Variants in TESC observed in about 807,000 individuals in gnomAD.
The protein encoded by TESC is calcineurin B homologous protein 3.
In TESC, 19 loss-of-function variants were observed where a neutral mutation model predicts 31.0. The observed-to-expected ratio is 0.61, with a 90% CI of 0.43 to 0.90. TESC has a LOEUF of 0.90. Among genes scored for constraint, TESC ranks in the 40% least tolerant of loss-of-function variants. The pLI, the probability that TESC is intolerant of heterozygous loss-of-function variation, is 0.00. For synonymous variants in TESC, 109 were observed against 114.8 expected, an observed-to-expected ratio of 0.95 and a Z score of 0.32; for missense variants, 248 against 303.8, an observed-to-expected ratio of 0.82 and a Z score of 1.36.
chr12:117,042,030 G>T, intron 6 of TESC, 36 bp from the exon 7 acceptor site: 1 of 1,575,950 alleles, frequency 6.3e-7, no homozygotes, highest in Non-Finnish European at 8.6e-7. Context: ...AGTGAGTGGC[G>T]CAGGTCCCCA....
chr12:117,074,011 G>A (rs1363091927), intron 2 of TESC, among the ~76,000 whole-genome samples: 2 of 152,102 alleles, frequency 1.3e-5, no homozygotes, highest in African/African-American at 4.8e-5. Flanking sequence ...ACTGCTTGAG[G>A]CCAGGAGTTT....
At chr12:117,098,817 G>A (rs1004223630) in intron 1 of TESC, among the ~76,000 whole-genome samples, 4 of 152,172 alleles carry the variant, frequency 2.6e-5, no homozygotes, top group East Asian at 1.9e-4. Context: ...CAGGTCCGCC[G>A]ACTTCAAAAC....
chr12:117,090,698 G>A lies in TESC; in HGVS notation c.58+8527C>T, dbSNP rs140358872. Among the ~76,000 whole-genome samples the A allele has an allele frequency of 1.2e-3, 179 of 152,314 alleles. 2 individuals carry two copies. The highest frequency in any genetic ancestry group is 5.3e-3 in the Admixed American group (81 of 15,306). ...ACAGGTGGTGAGAAGCCACCTGTGT[G>A]CCATAGTGGGACTCTGGCTGAGGTC... On this transcript the variant is annotated intron_variant, in intron 1 of 7. Coordinates refer to ENST00000335209, the MANE Select transcript of TESC (RefSeq NM_017899.4).
intron 1 of TESC, among the ~76,000 whole-genome samples, chr12:117,085,574 G>A (rs929341693): frequency 8.5e-5 from 13 of 152,284 alleles, no homozygotes; most frequent in African/African-American, 2.9e-4. Context: ...AGGACACCAA[G>A]GGGCATCACT....
At chr12:117,085,507 C>T (rs920679461) in intron 1 of TESC, among the ~76,000 whole-genome samples, 4 of 152,182 alleles carry the variant, frequency 2.6e-5, no homozygotes, top group African/African-American at 4.8e-5. Flanking sequence ...AGGGACTCCC[C>T]AAGCCACCCT....
At chr12:117,046,906 A>C in intron 4 of TESC, 68 bp from the exon 5 acceptor site, 1 of 1,492,330 alleles carries the variant, frequency 6.7e-7, no homozygotes, top group Non-Finnish European at 9.1e-7. Context: ...CCTGAAATGT[A>C]CACTAAACTA....
At chr12:117,039,359 A>C (rs993491699) in intron 7 of TESC, 149 bp from the exon 8 acceptor site, 5 of 738,832 alleles carry the variant, frequency 6.8e-6, no homozygotes, top group Non-Finnish European at 1.1e-5. Flanking sequence ...CTGTGTTTCA[A>C]GACTATGAGC....
intron 1 of TESC, among the ~76,000 whole-genome samples, chr12:117,090,890 CTGGCCTCTGCAGCCCACCTT>C (rs1377350492): frequency 3.3e-5 from 5 of 152,210 alleles, no homozygotes; most frequent in Non-Finnish European, 7.3e-5. Flanking sequence ...CTGGGGCAAG[CTGGCCTCTGCAGCCCACCTT>C]TGGCCTCTAC....
rs185918643 is a variant in TESC, at chr12:117,039,662, C to T, written c.568-452G>A. On this transcript the variant is annotated intron_variant, in intron 7 of 7. Transcript: ENST00000335209. ...GTTTTGTAAACTGTTAGGGGCTGTG[C>T]GGTCACAAGGCTTCGCTAGGCCATC... Among the ~76,000 whole-genome samples, 88 of 152,314 alleles carry T rather than the reference C, an allele frequency of 5.8e-4. No individual in the cohort carries two copies. In the East Asian group the frequency reaches 8.5e-3, roughly 15 times the overall value.
chr12:117,094,885 G>A (rs956103722), intron 1 of TESC, among the ~76,000 whole-genome samples: 4 of 151,264 alleles, frequency 2.6e-5, no homozygotes, highest in Non-Finnish European at 4.4e-5. Flanking sequence ...GCATGGTGGC[G>A]GGCACCTGTA....
At chr12:117,057,769 G>T (rs1954745885) in intron 2 of TESC, among the ~76,000 whole-genome samples, 1 of 151,920 alleles carries the variant, frequency 6.6e-6, no homozygotes, top group South Asian at 2.1e-4. Flanking sequence ...GAGTTTTTTT[G>T]TTTGTTTGTT....
At chr12:117,080,756 C>A (rs1033493494) in intron 1 of TESC, among the ~76,000 whole-genome samples, 1 of 152,186 alleles carries the variant, frequency 6.6e-6, no homozygotes, top group Non-Finnish European at 1.5e-5. Flanking sequence ...TGCGCCCCCC[C>A]AACCCCTTCC....
At chr12:117,045,703 C>G (rs1319929563) in intron 6 of TESC, among the ~76,000 whole-genome samples, 6 of 152,256 alleles carry the variant, frequency 3.9e-5, no homozygotes, top group Non-Finnish European at 8.8e-5. Context: ...AGCATGAACG[C>G]CCCTCCACTC....
chr12:117,072,076 T>C (rs1206538749), intron 2 of TESC, among the ~76,000 whole-genome samples: 1 of 152,150 alleles, frequency 6.6e-6, no homozygotes, highest in Non-Finnish European at 1.5e-5. Context: ...TGCTAGGCAA[T>C]GCATCAGGGC....
At chr12:117,091,073 G>A (rs1355177771) in intron 1 of TESC, among the ~76,000 whole-genome samples, 1 of 152,206 alleles carries the variant, frequency 6.6e-6, no homozygotes, top group African/African-American at 2.4e-5. Context: ...AGGTCACACT[G>A]CTGGGACGAC....
intron 2 of TESC, among the ~76,000 whole-genome samples, chr12:117,069,959 G>A (rs987070350): frequency 6.6e-6 from 1 of 152,202 alleles, no homozygotes; most frequent in African/African-American, 2.4e-5. Flanking sequence ...CTGTCTGAGC[G>A]GGAAGGGGCA....
At chr12:117,040,300 A>G (rs1444425012) in intron 7 of TESC, among the ~76,000 whole-genome samples, 1 of 151,456 alleles carries the variant, frequency 6.6e-6, no homozygotes, top group Non-Finnish European at 1.5e-5. Context: ...ACGCATGGAC[A>G]CTCACGGTGG....
intron 1 of TESC, among the ~76,000 whole-genome samples, chr12:117,081,450 A>C (rs560715106): frequency 1.3e-3 from 202 of 152,306 alleles, no homozygotes; most frequent in African/African-American, 4.6e-3. Context: ...CTACTAGAAA[A>C]TTTACCATGA....
chr12:117,050,078 T>C (rs978162427), intron 3 of TESC, among the ~76,000 whole-genome samples: 1 of 151,348 alleles, frequency 6.6e-6, no homozygotes, highest in Non-Finnish European at 1.5e-5. Flanking sequence ...GCTGGGACTA[T>C]ATATGACAGC....
Sources: gnomAD v4.1 joint callset for allele counts (sites outside exome capture counted in the v4.1 genomes callset) on GRCh38, gnomAD v4.1.1 for gene constraint, MANE v1.5 for transcripts, NCBI Gene and HGNC (gene_info 2026-07-23, HGNC 2026-07-21) for gene names.